The following PAK5 variants were observed in gnomAD, a reference collection of about 807,000 sequenced individuals.
The protein encoded by PAK5 is p21 (RAC1) activated kinase 5, also known as serine/threonine-protein kinase PAK 5.
A neutral mutation model predicts 65.9 loss-of-function variants in PAK5; 16 were observed. The observed-to-expected ratio is 0.24, with a 90% CI of 0.16 to 0.37. The LOEUF (loss-of-function observed/expected upper bound fraction) is 0.37. Ranked by LOEUF, PAK5 falls within the 10% of genes least tolerant of loss-of-function variation. The pLI, the probability that PAK5 is intolerant of heterozygous loss-of-function variation, is 1.00. For missense variants in PAK5, 785 were observed against 903.9 expected, an observed-to-expected ratio of 0.87 and a Z score of 1.69; for synonymous variants, 371 against 354.9, an observed-to-expected ratio of 1.05 and a Z score of -0.51.
At position 9,562,959 on chromosome 20, in the gene PAK5, G is replaced by A. The variant is rs2045614300; in HGVS notation, c.1548C>T (p.Gly516=). The change falls in exon 6 of 10, where the codon GGC becomes GGT. Residue 516 remains glycine (G), a synonymous_variant. Coordinates refer to ENST00000353224, the MANE Select transcript of PAK5 (RefSeq NM_177990.4). ...ACTCCATGACCACCCAGAGCTCATC[G>A]CCGACAAGGTAGCTGCTGTACATGT... ...VVDMYSSYLV[G]DELWVVMEFL... is the part of the protein sequence containing the mutation. 11 of 1,613,034 alleles carry A rather than the reference G, an allele frequency of 6.8e-6. No homozygotes were observed. The highest frequency in any genetic ancestry group is 1.3e-5 in the African/African-American group (1 of 74,976).
At chr20:9,678,929 C>T (rs1418668560) in intron 2 of PAK5, among the ~76,000 whole-genome samples, 1 of 152,104 alleles carries the variant, frequency 6.6e-6, no homozygotes, top group African/African-American at 2.4e-5. Context: ...ATATCAGAAG[C>T]CTTAGCTGAT....
intron 3 of PAK5, among the ~76,000 whole-genome samples, chr20:9,595,304 C>T (rs1334124493): frequency 1.3e-5 from 2 of 152,120 alleles, no homozygotes; most frequent in African/African-American, 4.8e-5. Context: ...CATTCTGTGA[C>T]TGAATGATGG....
At chr20:9,604,971 G>A (rs1298590059) in intron 3 of PAK5, among the ~76,000 whole-genome samples, 1 of 152,184 alleles carries the variant, frequency 6.6e-6, no homozygotes, top group Non-Finnish European at 1.5e-5. Context: ...TCCCTTGAAA[G>A]CAACTCAAGG....
At chr20:9,539,970 C>G (rs181635484) in intron 9 of PAK5, among the ~76,000 whole-genome samples, 55 of 152,224 alleles carry the variant, frequency 3.6e-4, no homozygotes, top group South Asian at 8.3e-4. Context: ...AAACAGGGAG[C>G]CGTTTTATTT....
intron 1 of PAK5, among the ~76,000 whole-genome samples, chr20:9,751,268 G>A (rs185473949): frequency 2.0e-4 from 31 of 152,030 alleles, no homozygotes; most frequent in Admixed American, 1.2e-3. Flanking sequence ...TTTCCATCTC[G>A]GGAGAGGCTT....
intron 1 of PAK5, among the ~76,000 whole-genome samples, chr20:9,791,139 C>G (rs983326776): frequency 7.9e-5 from 12 of 152,130 alleles, no homozygotes; most frequent in African/African-American, 2.7e-4. Flanking sequence ...CATTCACCAC[C>G]TTTAGTCACA....
intron 1 of PAK5, among the ~76,000 whole-genome samples, chr20:9,821,658 C>T (rs1169457427): frequency 6.6e-6 from 1 of 152,180 alleles, no homozygotes; most frequent in Admixed American, 6.5e-5. Context: ...TGCCCAACAT[C>T]CATTCTTCAC....
At chr20:9,772,253 C>A (rs185006693) in intron 1 of PAK5, among the ~76,000 whole-genome samples, 2 of 152,002 alleles carry the variant, frequency 1.3e-5, no homozygotes, top group East Asian at 1.9e-4. Flanking sequence ...TAGTGGTGAC[C>A]CTCAGAACTA....
intron 3 of PAK5, among the ~76,000 whole-genome samples, chr20:9,607,488 A>G (rs1304543580): frequency 1.3e-5 from 2 of 152,204 alleles, no homozygotes; most frequent in African/African-American, 4.8e-5. Context: ...AATAAGTGGC[A>G]GTAAGGTCTC....
rs567070676 is a variant in PAK5 at position 9,637,543 on chromosome 20, T to G, written c.204+6582A>C. Among the ~76,000 whole-genome samples the G allele has an allele frequency of 4.6e-5, 7 of 152,210 alleles. No homozygotes were observed. The East Asian group carries it at 1.4e-3, about 29-fold the overall frequency. On this transcript the variant is annotated intron_variant, in intron 3 of 9. Transcript: ENST00000353224. ...AGGCCCAAGAAGACATGAACACAGATGTCCATGACAATATTATTAATATTT... is the reference window on the plus strand; with the variant it reads ...AGGCCCAAGAAGACATGAACACAGAGGTCCATGACAATATTATTAATATTT...
intron 3 of PAK5, among the ~76,000 whole-genome samples, chr20:9,623,196 T>C (rs2046796081): frequency 6.6e-6 from 1 of 152,198 alleles, no homozygotes; most frequent in African/African-American, 2.4e-5. Context: ...GGAGGACATA[T>C]TGCATTTTGT....
chr20:9,587,143 C>A (rs528919046), intron 3 of PAK5, among the ~76,000 whole-genome samples: 1 of 151,700 alleles, frequency 6.6e-6, no homozygotes, highest in African/African-American at 2.4e-5. Flanking sequence ...GGCGGGGTGG[C>A]GGGCTGCAGT....
intron 2 of PAK5, among the ~76,000 whole-genome samples, chr20:9,681,221 A>AT (rs552815890): frequency 6.6e-6 from 1 of 151,664 alleles, no homozygotes; most frequent in Admixed American, 6.6e-5. Context: ...TTTTAATTTT[A>AT]TTTTTTTGCA....
intron 3 of PAK5, among the ~76,000 whole-genome samples, chr20:9,635,502 G>A (rs1031177990): frequency 4.0e-5 from 6 of 151,838 alleles, no homozygotes; most frequent in Admixed American, 3.3e-4. Context: ...CCCAACAGAT[G>A]ATCTGTTTTT....
At chr20:9,789,065 G>A (rs1050026989) in intron 1 of PAK5, among the ~76,000 whole-genome samples, 6 of 152,168 alleles carry the variant, frequency 3.9e-5, no homozygotes, top group Non-Finnish European at 1.5e-5. Flanking sequence ...GTTCCTAGCT[G>A]AGCTCTATGG....
At chr20:9,595,485 G>A (rs2046247242) in intron 3 of PAK5, among the ~76,000 whole-genome samples, 1 of 152,134 alleles carries the variant, frequency 6.6e-6, no homozygotes, top group African/African-American at 2.4e-5. Context: ...TCTCTAAGCT[G>A]CCTTGCCAAA....
intron 3 of PAK5, among the ~76,000 whole-genome samples, chr20:9,590,927 G>T (rs1205871022): frequency 6.6e-6 from 1 of 152,290 alleles, no homozygotes. Flanking sequence ...GCAACAGTAG[G>T]TGTTGTGGGC....
At chr20:9,558,383 G>A (rs2045543710) in intron 6 of PAK5, among the ~76,000 whole-genome samples, 1 of 152,076 alleles carries the variant, frequency 6.6e-6, no homozygotes, top group African/African-American at 2.4e-5. Flanking sequence ...CCAAAGTGCT[G>A]GGATTACAGA....
At chr20:9,565,637 T>C (rs1652267994) in intron 5 of PAK5, among the ~76,000 whole-genome samples, 1 of 152,184 alleles carries the variant, frequency 6.6e-6, no homozygotes, top group African/African-American at 2.4e-5. Context: ...CATCTTTCTA[T>C]CTCACAGAGT....
Sources: gnomAD v4.1 joint callset for allele counts (sites outside exome capture counted in the v4.1 genomes callset) on GRCh38, gnomAD v4.1.1 for gene constraint, MANE v1.5 for transcripts, NCBI Gene and HGNC (gene_info 2026-07-23, HGNC 2026-07-21) for gene names.